POMT2: variants seen among roughly 807,000 people sequenced by gnomAD.
POMT2 encodes protein O-mannosyltransferase 2, also known as protein O-mannosyl-transferase 2.
POMT2 carries 75 observed loss-of-function variants against 100.0 expected under a neutral mutation model. That is an observed-to-expected ratio of 0.75 (90% CI 0.62 to 0.91). The LOEUF (loss-of-function observed/expected upper bound fraction) is 0.91, where lower values mean the gene tolerates loss of function less well. POMT2 is among the 40% of genes least tolerant of loss of function. The pLI, the probability that POMT2 is intolerant of heterozygous loss-of-function variation, is 0.00. For missense variants in POMT2, 940 were observed against 955.1 expected (o/e 0.98, Z 0.21); for synonymous variants, 378 against 374.1 (o/e 1.01, Z -0.12).
At chr14:77,306,475 G>C in intron 2 of POMT2, 34 bp from the exon 3 acceptor site, 1 of 1,607,656 alleles carries the variant, frequency 6.2e-7, no homozygotes, top group Non-Finnish European at 8.5e-7. Flanking sequence ...AAGATGAGAA[G>C]CCTTTGGGAG....
At position 77,311,422 on chromosome 14, in the gene POMT2, C is replaced by T. The variant is rs76747799; in HGVS notation, c.333+527G>A. Among the ~76,000 whole-genome samples, 29 of 152,314 alleles carry T rather than the reference C, an allele frequency of 1.9e-4. No individual in the cohort carries two copies. In the East Asian group the frequency reaches 5.6e-3, roughly 29 times the overall value. On this transcript the variant is annotated intron_variant, in intron 2 of 20. Coordinates refer to ENST00000261534, the MANE Select transcript of POMT2 (RefSeq NM_013382.7). ...TATATTCACAAGATTGTGCAATCAT[C>T]ACCACTACCTAATTCTGTAACATGT...
chr14:77,282,390 C>G (rs1890268380), intron 15 of POMT2, among the ~76,000 whole-genome samples: 1 of 152,182 alleles, frequency 6.6e-6, no homozygotes, highest in South Asian at 2.1e-4. Flanking sequence ...CACTACTCAG[C>G]CAGCGGAAGA....
chr14:77,284,871 C>T lies in POMT2; in HGVS notation c.1576+79G>A, dbSNP rs1405718608. On this transcript the variant is annotated intron_variant, in intron 14 of 20. Coordinates refer to ENST00000261534, the MANE Select transcript of POMT2 (RefSeq NM_013382.7). The stretch of plus-strand genomic sequence containing the variant: ...CAAGTTGAAGGGATAGCACAGTTTA[C>T]AAACGCTTACTTTTCTAAGATAAGG... 4.6e-6 allele frequency: 6 copies of T among 1,309,166 alleles called. No homozygotes were observed. The African/African-American group carries it at 8.7e-5, about 19-fold the overall frequency. 81.1% of individuals were successfully genotyped at this position (1,309,166 alleles called of 1,614,324 possible).
chr14:77,285,753 C>T (rs1214277987), intron 12 of POMT2, 121 bp from the exon 13 acceptor site: 3 of 1,185,032 alleles, frequency 2.5e-6, no homozygotes, highest in Admixed American at 3.4e-5. Flanking sequence ...CCAAATTAGG[C>T]TCAATGATAG....
At chr14:77,289,739 T>A (rs913242268) in intron 10 of POMT2, among the ~76,000 whole-genome samples, 1 of 152,174 alleles carries the variant, frequency 6.6e-6, no homozygotes. Flanking sequence ...GTGAGGTGAA[T>A]AATGATGAAA....
At chr14:77,295,629 C>T (rs1162547874) in intron 9 of POMT2, among the ~76,000 whole-genome samples, 1 of 86,108 alleles carries the variant, frequency 1.2e-5, no homozygotes, top group Non-Finnish European at 2.3e-5. Flanking sequence ...AAGACTCCAT[C>T]TCAAAAAAAA....
chr14:77,310,100 A>G (rs12590965), intron 2 of POMT2, among the ~76,000 whole-genome samples: 8,817 of 152,330 alleles, frequency 0.058, 385 homozygotes, highest in East Asian at 0.22. Context: ...TGGGTTTCCT[A>G]TGAAAAATCT....
intron 11 of POMT2, 99 bp from the exon 12 acceptor site, chr14:77,286,921 G>GA: frequency 6.3e-7 from 1 of 1,578,152 alleles, no homozygotes; most frequent in Non-Finnish European, 8.6e-7. Context: ...GTCAGGATAA[G>GA]AAAAATTAGA....
chr14:77,284,165 C>T, intron 14 of POMT2: 1 of 427,392 alleles, frequency 2.3e-6, no homozygotes, highest in East Asian at 5.3e-5. Flanking sequence ...TCAAATGCTG[C>T]TCTCCTATTA....
chr14:77,311,701 A>G (rs1891439829), intron 2 of POMT2, among the ~76,000 whole-genome samples: 1 of 152,224 alleles, frequency 6.6e-6, no homozygotes, highest in South Asian at 2.1e-4. Context: ...TTATTCCACC[A>G]TATGGCTGTG....
In POMT2 at chr14:77,320,415, A is replaced by T. The variant is rs752359988; in HGVS notation, c.248+19T>A. The T allele has an allele frequency of 1.7e-5, 26 of 1,545,888 alleles. No individual in the cohort carries two copies. Among genetic ancestry groups the T allele is most frequent in the Non-Finnish European group, 2.3e-5 (26 of 1,146,812 alleles). ...GTCGCGGTTGCCATGGTGCCCGCCG[A>T]GTCCCTCCCATCACTCACCAGATGT... On this transcript the variant is annotated intron_variant, in intron 1 of 20. Transcript: ENST00000261534.
At chr14:77,302,417 G>A (rs1891074775) in intron 5 of POMT2, among the ~76,000 whole-genome samples, 1 of 152,202 alleles carries the variant, frequency 6.6e-6, no homozygotes, top group African/African-American at 2.4e-5. Context: ...ATCTACCCTG[G>A]TGCCCTCCCT....
intron 15 of POMT2, among the ~76,000 whole-genome samples, chr14:77,281,222 G>A (rs1890221904): frequency 2.0e-5 from 3 of 152,218 alleles, no homozygotes; most frequent in Admixed American, 1.3e-4. Flanking sequence ...AGACTTGGAA[G>A]AGGTTGCTTT....
intron 1 of POMT2, among the ~76,000 whole-genome samples, chr14:77,313,686 T>C (rs1891522275): frequency 6.6e-6 from 1 of 152,084 alleles, no homozygotes; most frequent in South Asian, 2.1e-4. Flanking sequence ...TCCAGTTTTT[T>C]TGTTTTGTTT....
At chr14:77,289,067 A>C (rs140740523) in intron 10 of POMT2, among the ~76,000 whole-genome samples, 94 of 151,640 alleles carry the variant, frequency 6.2e-4, no homozygotes, top group African/African-American at 2.0e-3. Context: ...CAGGTGAACA[A>C]GCAGGAGAAA....
chr14:77,307,753 C>T (rs1891276147), intron 2 of POMT2, among the ~76,000 whole-genome samples: 1 of 151,914 alleles, frequency 6.6e-6, no homozygotes, highest in Non-Finnish European at 1.5e-5. Context: ...ATTAGAGGTG[C>T]TATTAAGTAA....
In POMT2 at chr14:77,302,816, C is replaced by T. The variant is rs1383085703; in HGVS notation, c.656+19G>A. On this transcript the variant is annotated intron_variant, in intron 5 of 20. Transcript: ENST00000261534. ...GCCACAGCTTCCAACCCTCCCCTCC[C>T]GGGGATGGAGTTTCTGACCTGTCGG... is the stretch of plus-strand genomic sequence containing the variant. 12 of 1,590,484 alleles carry T rather than the reference C, an allele frequency of 7.5e-6. No individual in the cohort carries two copies. The highest frequency in any genetic ancestry group is 6.7e-5 in the East Asian group (3 of 44,712).
intron 3 of POMT2, among the ~76,000 whole-genome samples, chr14:77,306,043 G>GCAACCTGGAA (rs1891216832): frequency 6.6e-6 from 1 of 152,212 alleles, no homozygotes; most frequent in Non-Finnish European, 1.5e-5. Flanking sequence ...CGGGTTCCAG[G>GCAACCTGGAA]CTGTTCTCCA....
rs1468376624 is a variant in POMT2 at position 77,285,412 on chromosome 14, G to GC, written c.1484+68dup. ...GAACACAGGAAAACAAAAGCTTCTG[G>GC]CATACTCCTTGTAGAGTGAAAGGAA... On this transcript the variant is annotated intron_variant, in intron 13 of 20. Transcript: ENST00000261534. The GC allele has an allele frequency of 1.9e-6, 3 of 1,590,072 alleles. No homozygotes were observed. In the African/African-American group the frequency reaches 4.0e-5, roughly 21 times the overall value.
Sources: gnomAD v4.1 joint callset for allele counts (sites outside exome capture counted in the v4.1 genomes callset) on GRCh38, gnomAD v4.1.1 for gene constraint, MANE v1.5 for transcripts, NCBI Gene and HGNC (gene_info 2026-07-23, HGNC 2026-07-21) for gene names.